KCNIP4: variants seen among roughly 807,000 people sequenced by gnomAD.
The protein encoded by KCNIP4 is Kv channel-interacting protein 4.
In KCNIP4, 12 loss-of-function variants were observed where a neutral mutation model predicts 34.0. The observed-to-expected ratio is 0.35, with a 90% CI of 0.23 to 0.57. The LOEUF (loss-of-function observed/expected upper bound fraction) is 0.57, where lower values mean the gene tolerates loss of function less well. Among genes scored for constraint, KCNIP4 ranks in the 20% least tolerant of loss-of-function variants. KCNIP4 has a pLI of 0.83. For missense variants in KCNIP4, 238 were observed against 311.7 expected, an observed-to-expected ratio of 0.76 and a Z score of 1.78; for synonymous variants, 124 against 102.2, an observed-to-expected ratio of 1.21 and a Z score of -1.29.
chr4:21,270,520 C>A (rs2109132506), intron 1 of KCNIP4, among the ~76,000 whole-genome samples: 1 of 152,248 alleles, frequency 6.6e-6, no homozygotes, highest in South Asian at 2.1e-4. Flanking sequence ...TCAAGGTCAA[C>A]TTTAACTGTA....
intron 1 of KCNIP4, among the ~76,000 whole-genome samples, chr4:21,108,867 A>G (rs1042091858): frequency 1.3e-5 from 2 of 152,196 alleles, no homozygotes; most frequent in Non-Finnish European, 2.9e-5. Flanking sequence ...GGTCCACTCC[A>G]GACCCTGTTT....
chr4:21,235,388 T>C (rs1227635950), intron 1 of KCNIP4, among the ~76,000 whole-genome samples: 4 of 152,160 alleles, frequency 2.6e-5, no homozygotes, highest in Admixed American at 6.5e-5. Context: ...CACCTCATTC[T>C]AGTTACCTCA....
chr4:20,756,114 G>A (rs1402297037), intron 4 of KCNIP4, among the ~76,000 whole-genome samples: 2 of 151,934 alleles, frequency 1.3e-5, no homozygotes, highest in East Asian at 3.9e-4. Flanking sequence ...AGTCAGTTTG[G>A]AGACTACTGT....
At chr4:21,459,373 C>T (rs976656958) in intron 1 of KCNIP4, among the ~76,000 whole-genome samples, 10 of 152,000 alleles carry the variant, frequency 6.6e-5, no homozygotes, top group Admixed American at 3.3e-4. Context: ...TATTTCTTCC[C>T]TTGTTTTTCT....
At chr4:21,567,145 G>A (rs1040711352) in intron 1 of KCNIP4, among the ~76,000 whole-genome samples, 2 of 151,812 alleles carry the variant, frequency 1.3e-5, no homozygotes, top group African/African-American at 2.4e-5. Flanking sequence ...TTCCCTGCCC[G>A]GTATATATGC....
intron 1 of KCNIP4, among the ~76,000 whole-genome samples, chr4:21,033,951 A>G (rs2149768144): frequency 6.6e-6 from 1 of 152,310 alleles, no homozygotes; most frequent in East Asian, 1.9e-4. Context: ...AAGCTAATGA[A>G]TTTATGTTAA....
At chr4:21,104,565 G>A (rs570637806) in intron 1 of KCNIP4, among the ~76,000 whole-genome samples, 1 of 152,176 alleles carries the variant, frequency 6.6e-6, no homozygotes, top group South Asian at 2.1e-4. Flanking sequence ...TCTGATGGTA[G>A]TTTCTTTTGC....
chr4:21,682,101 A>C (rs1750409679), intron 1 of KCNIP4, among the ~76,000 whole-genome samples: 1 of 152,062 alleles, frequency 6.6e-6, no homozygotes, highest in South Asian at 2.1e-4. Context: ...CATGTTAGCC[A>C]GGCTGGTCTC....
intron 1 of KCNIP4, among the ~76,000 whole-genome samples, chr4:21,622,248 C>G (rs528494572): frequency 6.6e-6 from 1 of 152,076 alleles, no homozygotes; most frequent in Non-Finnish European, 1.5e-5. Context: ...AATGACTTTA[C>G]CCCCAAGATG....
At chr4:21,659,271 A>C (rs917238179) in intron 1 of KCNIP4, among the ~76,000 whole-genome samples, 6 of 152,304 alleles carry the variant, frequency 3.9e-5, no homozygotes, top group Non-Finnish European at 8.8e-5. Context: ...AATTTTTAAA[A>C]ACCTAAATCT....
intron 1 of KCNIP4, among the ~76,000 whole-genome samples, chr4:21,508,729 T>TGCATAATGGAGATAATACA (rs146888422): frequency 0.07 from 10,699 of 152,108 alleles, 1,147 homozygotes; most frequent in African/African-American, 0.24. Flanking sequence ...GCCTTGAACA[T>TGCATAATGGAGATAATACA]GCTGTCTGCT....
intron 1 of KCNIP4, among the ~76,000 whole-genome samples, chr4:21,627,961 T>C (rs1745452053): frequency 1.3e-5 from 2 of 152,136 alleles, no homozygotes; most frequent in African/African-American, 2.4e-5. Flanking sequence ...CTTTTAAAGA[T>C]CCAAAGGGAG....
intron 2 of KCNIP4, among the ~76,000 whole-genome samples, chr4:20,860,566 A>C (rs922481830): frequency 1.3e-4 from 20 of 152,336 alleles, no homozygotes; most frequent in African/African-American, 4.6e-4. Context: ...ACAAAAATTC[A>C]GCCTGCTTGA....
At chr4:21,067,412 T>G (rs1744497863) in intron 1 of KCNIP4, among the ~76,000 whole-genome samples, 1 of 151,998 alleles carries the variant, frequency 6.6e-6, no homozygotes, top group Admixed American at 6.6e-5. Context: ...GCAGCTTAGG[T>G]ATCAGCTCAG....
intron 1 of KCNIP4, among the ~76,000 whole-genome samples, chr4:21,921,480 C>T (rs1728937090): frequency 6.6e-6 from 1 of 152,130 alleles, no homozygotes; most frequent in African/African-American, 2.4e-5. Context: ...ATCCAATTCC[C>T]TAGTTGACAT....
At chr4:21,300,584 CT>C (rs5856622) in intron 1 of KCNIP4, among the ~76,000 whole-genome samples, 98,490 of 151,904 alleles carry the variant, frequency 0.65, 32,609 homozygotes, top group African/African-American at 0.78. Context: ...TATTGAAACT[CT>C]TAAGTTTCGA....
At chr4:21,696,440 T>C (rs1560639114) in intron 1 of KCNIP4, among the ~76,000 whole-genome samples, 1 of 152,160 alleles carries the variant, frequency 6.6e-6, no homozygotes, top group Non-Finnish European at 1.5e-5. Context: ...TTTTTCTCTT[T>C]ATTTAGATTA....
At chr4:20,834,240 T>C (rs932264281) in intron 3 of KCNIP4, among the ~76,000 whole-genome samples, 1 of 152,178 alleles carries the variant, frequency 6.6e-6, no homozygotes, top group African/African-American at 2.4e-5. Flanking sequence ...AGAGATCCCA[T>C]GGCCCTGCCT....
rs150444377 is a variant in KCNIP4, at chr4:21,279,340, G to C, written c.62-396631C>G. Among the ~76,000 whole-genome samples the C allele has an allele frequency of 2.0e-5, 3 of 151,930 alleles. No individual in the cohort carries two copies. In the East Asian group the frequency reaches 5.8e-4, roughly 29 times the overall value. On this transcript the variant is annotated intron_variant, in intron 1 of 8. Transcript: ENST00000382152. ...ATAGGTGAAGGGTCACAAGCTTTAA[G>C]GTACAATTTCATTTTCTTTTTTAAA...
Sources: gnomAD v4.1 joint callset for allele counts (sites outside exome capture counted in the v4.1 genomes callset) on GRCh38, gnomAD v4.1.1 for gene constraint, MANE v1.5 for transcripts, NCBI Gene and HGNC (gene_info 2026-07-23, HGNC 2026-07-21) for gene names.